RERG: variants seen among roughly 807,000 people sequenced by gnomAD.
RERG encodes ras-related and estrogen-regulated growth inhibitor.
RERG carries 25 observed loss-of-function variants against 23.2 expected under a neutral mutation model. The observed-to-expected ratio is 1.08, with a 90% CI of 0.79 to 1.50. The LOEUF is 1.50. Ranked by LOEUF, RERG falls within the 40% of genes most tolerant of loss-of-function variation. The probability of loss-of-function intolerance (pLI) is 0.00; values close to 1 mark genes in which losing one functional copy is unlikely to be tolerated. For synonymous variants in RERG, 81 were observed against 89.1 expected (o/e 0.91, Z 0.51); for missense variants, 253 against 250.1 (o/e 1.01, Z -0.08).
At chr12:15,137,830 C>A in intron 2 of RERG, 1 of 428,772 alleles carries the variant, frequency 2.3e-6, no homozygotes, top group South Asian at 1.7e-5. Context: ...TTAATTTTAC[C>A]TTTAAAATTA....
intron 2 of RERG, among the ~76,000 whole-genome samples, chr12:15,194,040 C>T (rs1865108999): frequency 6.6e-6 from 1 of 152,036 alleles, no homozygotes; most frequent in Non-Finnish European, 1.5e-5. Context: ...AAAGTAAGTA[C>T]CTTTACAAGA....
At chr12:15,189,818 T>G (rs1411548535) in intron 2 of RERG, among the ~76,000 whole-genome samples, 1 of 152,182 alleles carries the variant, frequency 6.6e-6, no homozygotes, top group African/African-American at 2.4e-5. Flanking sequence ...GAATCTGTTC[T>G]CAAAAATTCA....
chr12:15,170,461 TA>T (rs1366067710), intron 2 of RERG, among the ~76,000 whole-genome samples: 27 of 152,064 alleles, frequency 1.8e-4, no homozygotes, highest in African/African-American at 6.3e-4. Context: ...AAAGAAAAAT[TA>T]TTTTTTTAAA....
intron 2 of RERG, among the ~76,000 whole-genome samples, chr12:15,212,180 C>T (rs1330486544): frequency 6.7e-6 from 1 of 149,626 alleles, no homozygotes; most frequent in African/African-American, 2.5e-5. Context: ...CTGCCTCAGC[C>T]TCCCGAGTAG....
chr12:15,161,352 T>C (rs1864612768), intron 2 of RERG, among the ~76,000 whole-genome samples: 1 of 152,200 alleles, frequency 6.6e-6, no homozygotes, highest in African/African-American at 2.4e-5. Flanking sequence ...TCAACAAGTG[T>C]ATTCTTTGGA....
In RERG at chr12:15,144,588, C is replaced by T. The variant is rs377021122; in HGVS notation, c.62-23469G>A. ...TTGTTTCAAATGTTGCAAATAAACA[C>T]GATGAGAACTGGGAACTGGATTTGG... is the stretch of plus-strand genomic sequence containing the variant. On this transcript the variant is annotated intron_variant, in intron 2 of 4. Coordinates refer to ENST00000256953, the MANE Select transcript of RERG (RefSeq NM_032918.3). Among the ~76,000 whole-genome samples the T allele has an allele frequency of 1.5e-4, 23 of 152,118 alleles. 1 individual carries two copies. Among genetic ancestry groups the T allele is most frequent in the South Asian group, 6.2e-4 (3 of 4,824 alleles).
chr12:15,211,284 T>TAC (rs56263472), intron 2 of RERG, among the ~76,000 whole-genome samples: 25,678 of 142,578 alleles, frequency 0.18, 2,211 homozygotes, highest in Middle Eastern at 0.28. Context: ...TGTCATTTTA[T>TAC]ACACACACAC....
intron 2 of RERG, among the ~76,000 whole-genome samples, chr12:15,209,892 T>C (rs1173147946): frequency 6.6e-6 from 1 of 152,206 alleles, no homozygotes; most frequent in Non-Finnish European, 1.5e-5. Context: ...AGCTGGGTGA[T>C]CTCGCTAAGG....
intron 2 of RERG, among the ~76,000 whole-genome samples, chr12:15,123,143 T>G (rs1352934652): frequency 6.6e-6 from 1 of 152,210 alleles, no homozygotes; most frequent in Non-Finnish European, 1.5e-5. Context: ...GAAAACTTAA[T>G]TATCTGCCAT....
intron 2 of RERG, among the ~76,000 whole-genome samples, chr12:15,215,708 A>G (rs1462766855): frequency 6.6e-6 from 1 of 152,152 alleles, no homozygotes; most frequent in Non-Finnish European, 1.5e-5. Context: ...GAAGCAGTGG[A>G]CGAAGACATG....
At chr12:15,188,254 A>C (rs536118863) in intron 2 of RERG, among the ~76,000 whole-genome samples, 52 of 152,254 alleles carry the variant, frequency 3.4e-4, no homozygotes, top group African/African-American at 1.3e-3. Context: ...TCCTTGGTGA[A>C]GAGATATTTA....
intron 1 of RERG, among the ~76,000 whole-genome samples, chr12:15,220,379 G>A (rs1398520433): frequency 2.0e-5 from 3 of 152,056 alleles, no homozygotes; most frequent in Admixed American, 6.5e-5. Context: ...AAGGAAAAAG[G>A]AAAAACGCTA....
chr12:15,177,268 C>T lies in RERG; in HGVS notation c.61+40161G>A, dbSNP rs1864863728. 2.6e-5 allele frequency among the ~76,000 whole-genome samples: 4 copies of T among 152,294 alleles called. No homozygotes were observed. The South Asian group carries it at 8.3e-4, about 32-fold the overall frequency. The stretch of plus-strand genomic sequence containing the variant: ...AAGAGTTCGAGACCAGCCTGGCCAA[C>T]ATGGCAAAACCCTGTCTCTACTAAA... On this transcript the variant is annotated intron_variant, in intron 2 of 4. Transcript: ENST00000256953.
At position 15,107,943 on chromosome 12, in the gene RERG, T is replaced by A. The variant is rs556660140; in HGVS notation, c.*1167A>T. On this transcript the variant is annotated 3_prime_UTR_variant, in exon 5 of 5. Transcript: ENST00000256953. The stretch of plus-strand genomic sequence containing the variant: ...AATACATACATATGTAAAAGATATA[T>A]ATTTTCTACTAAAATAAAGTACCCA... The A allele has an allele frequency of 2.9e-4, 45 of 152,742 alleles. No individual in the cohort carries two copies. The highest frequency in any genetic ancestry group is 1.0e-3 in the African/African-American group (43 of 41,574). 9.5% of individuals were successfully genotyped at this position (152,742 alleles called of 1,614,324 possible).
intron 3 of RERG, among the ~76,000 whole-genome samples, chr12:15,117,675 G>GCGCGCGCGCGCACA (rs1555119493): frequency 1.4e-5 from 2 of 145,020 alleles, no homozygotes; most frequent in African/African-American, 5.5e-5. Context: ...TCACACACGC[G>GCGCGCGCGCGCACA]CACACACACA....
chr12:15,157,055 G>A (rs757981193), intron 2 of RERG, among the ~76,000 whole-genome samples: 2 of 152,212 alleles, frequency 1.3e-5, no homozygotes, highest in Non-Finnish European at 2.9e-5. Context: ...CTCTAAGCCT[G>A]TCTTTTCTTC....
intron 2 of RERG, among the ~76,000 whole-genome samples, chr12:15,186,022 T>G (rs1322199952): frequency 6.6e-6 from 1 of 151,940 alleles, no homozygotes; most frequent in East Asian, 1.9e-4. Flanking sequence ...TGGACAATAT[T>G]TTAGAAAAAT....
At chr12:15,153,806 A>G (rs2136109066) in intron 2 of RERG, among the ~76,000 whole-genome samples, 1 of 152,310 alleles carries the variant, frequency 6.6e-6, no homozygotes, top group Admixed American at 6.5e-5. Flanking sequence ...CTGAAGTCCT[A>G]ATCTTAGTAT....
chr12:15,189,504 C>T (rs1865039194), intron 2 of RERG, among the ~76,000 whole-genome samples: 1 of 152,136 alleles, frequency 6.6e-6, no homozygotes, highest in South Asian at 2.1e-4. Context: ...AATTGCAACT[C>T]TTAATATTAT....
Sources: allele counts gnomAD v4.1 joint callset (sites outside exome capture counted in the v4.1 genomes callset), GRCh38; gene constraint gnomAD v4.1.1; transcripts MANE v1.5; gene names NCBI Gene and HGNC (gene_info 2026-07-23, HGNC 2026-07-21).